The following GRIP1 variants were observed in gnomAD, a reference collection of about 807,000 sequenced individuals.
GRIP1 encodes glutamate receptor interacting protein 1.
A neutral mutation model predicts 129.9 loss-of-function variants in GRIP1; 45 were observed. The ratio of observed to expected loss-of-function variants is 0.35; its 90% CI spans 0.27 to 0.44. The LOEUF (loss-of-function observed/expected upper bound fraction) is 0.44. Ranked by LOEUF, GRIP1 falls within the 20% of genes least tolerant of loss-of-function variation. GRIP1 has a pLI of 1.00. For missense variants in GRIP1, 1,196 were observed against 1,396.8 expected, an observed-to-expected ratio of 0.86 and a Z score of 2.29; for synonymous variants, 530 against 520.8, an observed-to-expected ratio of 1.02 and a Z score of -0.24.
chr12:66,539,346 A>C (rs1397428019), intron 3 of GRIP1, 123 bp from the exon 4 acceptor site: 1 of 1,278,088 alleles, frequency 7.8e-7, no homozygotes, highest in Non-Finnish European at 1.1e-6. Context: ...GGCTGACAGC[A>C]GAAGTCCCTG....
chr12:66,353,649 G>A, intron 23 of GRIP1, 86 bp from the exon 24 acceptor site: 2 of 1,178,616 alleles, frequency 1.7e-6, no homozygotes, highest in South Asian at 1.2e-5. Context: ...CTTTTCACAC[G>A]AATTTAGTCA....
chr12:66,477,357 C>T (rs915608586), intron 7 of GRIP1, among the ~76,000 whole-genome samples: 1 of 151,808 alleles, frequency 6.6e-6, no homozygotes, highest in African/African-American at 2.4e-5. Flanking sequence ...AACTACAAAC[C>T]ACTGCTCAAT....
intron 2 of GRIP1, among the ~76,000 whole-genome samples, chr12:66,581,120 AC>A (rs1429468206): frequency 1.3e-5 from 2 of 152,222 alleles, no homozygotes; most frequent in African/African-American, 4.8e-5. Context: ...CCACTCAACT[AC>A]ATGGAAACTG....
rs1232575223 is a variant in GRIP1 at position 66,514,115 on chromosome 12, A to G, written c.724+1504T>C. Among the ~76,000 whole-genome samples the G allele has an allele frequency of 2.0e-5, 3 of 152,106 alleles. No individual in the cohort carries two copies. The East Asian group carries it at 5.8e-4, about 29-fold the overall frequency. On this transcript the variant is annotated intron_variant, in intron 7 of 24. Coordinates refer to ENST00000359742, the MANE Select transcript of GRIP1 (RefSeq NM_001366722.1). ...TCCTTTATGGCAACGATCACACTTT[A>G]TGAGTTTATTTGTTTGGTAATATTC...
intron 1 of GRIP1, among the ~76,000 whole-genome samples, chr12:66,912,564 AT>A (rs2041047990): frequency 6.6e-6 from 1 of 152,188 alleles, no homozygotes; most frequent in Non-Finnish European, 1.5e-5. Context: ...CAAATATTTT[AT>A]TACTATATTT....
chr12:66,502,860 C>T (rs532117984), intron 7 of GRIP1, among the ~76,000 whole-genome samples: 2 of 152,188 alleles, frequency 1.3e-5, no homozygotes, highest in East Asian at 3.9e-4. Context: ...CAAGAATGGC[C>T]TAACATAATC....
intron 1 of GRIP1, among the ~76,000 whole-genome samples, chr12:66,871,522 T>C (rs1437280467): frequency 6.6e-6 from 1 of 152,098 alleles, no homozygotes; most frequent in Non-Finnish European, 1.5e-5. Context: ...TGTAAGATTA[T>C]AAAATAATAC....
chr12:66,561,225 TG>T, intron 2 of GRIP1, among the ~76,000 whole-genome samples: 1 of 152,262 alleles, frequency 6.6e-6, no homozygotes, highest in South Asian at 2.1e-4. Context: ...GGATGGCTAA[TG>T]GGTACAAAAA....
intron 20 of GRIP1, among the ~76,000 whole-genome samples, chr12:66,377,894 C>A (rs371280211): frequency 6.6e-6 from 1 of 151,788 alleles, no homozygotes; most frequent in African/African-American, 2.4e-5. Context: ...TGGGATGGAA[C>A]GTCGGAAATG....
intron 1 of GRIP1, among the ~76,000 whole-genome samples, chr12:66,742,018 T>C (rs575076366): frequency 5.6e-4 from 86 of 152,254 alleles, no homozygotes; most frequent in Admixed American, 9.2e-4. Flanking sequence ...AATACTAAAG[T>C]GTAGAATTAT....
intron 1 of GRIP1, among the ~76,000 whole-genome samples, chr12:66,769,463 G>A (rs979282232): frequency 2.6e-5 from 4 of 152,004 alleles, no homozygotes; most frequent in Non-Finnish European, 5.9e-5. Flanking sequence ...AATGACTCAA[G>A]CATGAAAAGG....
intron 1 of GRIP1, among the ~76,000 whole-genome samples, chr12:66,719,050 T>C (rs966225126): frequency 3.9e-5 from 6 of 151,960 alleles, no homozygotes; most frequent in Non-Finnish European, 2.9e-5. Flanking sequence ...GGAAGTATCT[T>C]AATACTTATT....
intron 1 of GRIP1, among the ~76,000 whole-genome samples, chr12:66,606,781 T>C (rs898037655): frequency 2.0e-5 from 3 of 152,164 alleles, no homozygotes; most frequent in African/African-American, 7.2e-5. Context: ...CTCTGCTTGG[T>C]ACCTCACATA....
intron 1 of GRIP1, among the ~76,000 whole-genome samples, chr12:66,719,538 T>C (rs78502950): frequency 0.028 from 4,215 of 152,282 alleles, 79 homozygotes; most frequent in Non-Finnish European, 0.045. Context: ...ATAAACAAGA[T>C]TGTTTCAGGG....
chr12:66,371,443 G>A (rs2055491721), intron 23 of GRIP1, among the ~76,000 whole-genome samples: 1 of 152,180 alleles, frequency 6.6e-6, no homozygotes, highest in African/African-American at 2.4e-5. Flanking sequence ...ATAGGCATGT[G>A]CCACCACACC....
intron 1 of GRIP1, among the ~76,000 whole-genome samples, chr12:67,005,143 T>C (rs2042608663): frequency 6.6e-6 from 1 of 152,196 alleles, no homozygotes; most frequent in African/African-American, 2.4e-5. Flanking sequence ...AGGTAGAAAG[T>C]AGCCTTCAGA....
At chr12:67,064,265 G>A (rs905098005) in intron 1 of GRIP1, among the ~76,000 whole-genome samples, 1 of 152,148 alleles carries the variant, frequency 6.6e-6, no homozygotes, top group Non-Finnish European at 1.5e-5. Flanking sequence ...TGAAAGATTT[G>A]ATGGCAGTTT....
Position 66,915,123 on chromosome 12 carries a change from T to C in GRIP1, c.58+153927A>G, listed in dbSNP as rs1045214259. ...TCTGCAGACAAATAAAGTCCACATATTGGACAGAAAGTCCAAAAGAAAACT... is the reference window on the plus strand; with the variant it reads ...TCTGCAGACAAATAAAGTCCACATACTGGACAGAAAGTCCAAAAGAAAACT... On this transcript the variant is annotated intron_variant, in intron 1 of 1. Transcript: ENST00000643019. Among the ~76,000 whole-genome samples the C allele has an allele frequency of 2.0e-5, 3 of 152,204 alleles. No homozygotes were observed. The South Asian group carries it at 6.2e-4, about 31-fold the overall frequency.
At chr12:66,678,138 G>T (rs1050549907) in intron 1 of GRIP1, among the ~76,000 whole-genome samples, 2 of 152,046 alleles carry the variant, frequency 1.3e-5, no homozygotes, top group African/African-American at 4.8e-5. Context: ...AAGTAAACGA[G>T]ATGGCACATC....
Sources: allele counts gnomAD v4.1 joint callset (sites outside exome capture counted in the v4.1 genomes callset), GRCh38; gene constraint gnomAD v4.1.1; transcripts MANE v1.5; gene names NCBI Gene and HGNC (gene_info 2026-07-23, HGNC 2026-07-21).